Variants in PHACTR1 observed in about 807,000 individuals in gnomAD.
PHACTR1 encodes the protein phosphatase and actin regulator 1.
Under a neutral mutation model 69.2 loss-of-function variants are expected in PHACTR1, and 16 were observed. That is an observed-to-expected ratio of 0.23 (90% confidence interval 0.16 to 0.35). The LOEUF (loss-of-function observed/expected upper bound fraction) is 0.35, where lower values mean the gene tolerates loss of function less well. Among genes scored for constraint, PHACTR1 ranks in the 10% least tolerant of loss-of-function variants. PHACTR1 has a pLI of 1.00. For synonymous variants in PHACTR1, 312 were observed against 284.5 expected (o/e 1.10, Z -0.97); for missense variants, 510 against 734.7 (o/e 0.69, Z 3.54).
chr6:13,076,963 A>C (rs1490806243), intron 5 of PHACTR1, among the ~76,000 whole-genome samples: 1 of 79,868 alleles, frequency 1.3e-5, no homozygotes, highest in African/African-American at 5.1e-5. Context: ...GGGAGGGGGG[A>C]GGGATAGCAT....
At chr6:13,060,576 G>T (rs1807525291) in intron 5 of PHACTR1, among the ~76,000 whole-genome samples, 1 of 152,198 alleles carries the variant, frequency 6.6e-6, no homozygotes, top group Admixed American at 6.5e-5. Flanking sequence ...AGAAAGAAGG[G>T]CTAGTATCAG....
At chr6:13,010,685 C>T (rs1799349376) in intron 4 of PHACTR1, among the ~76,000 whole-genome samples, 1 of 152,098 alleles carries the variant, frequency 6.6e-6, no homozygotes, top group African/African-American at 2.4e-5. Context: ...GGTCTTAGGG[C>T]ACCCAACAAG....
intron 5 of PHACTR1, among the ~76,000 whole-genome samples, chr6:13,158,904 A>G (rs920790191): frequency 6.6e-6 from 1 of 152,232 alleles, no homozygotes; most frequent in African/African-American, 2.4e-5. Flanking sequence ...TTGTCTGCAT[A>G]AAGTAGTTTC....
chr6:12,911,242 C>G (rs1182306088), intron 4 of PHACTR1, among the ~76,000 whole-genome samples: 1 of 152,080 alleles, frequency 6.6e-6, no homozygotes, highest in Non-Finnish European at 1.5e-5. Context: ...TTTCCAAACT[C>G]TTTGTAGGTT....
intron 4 of PHACTR1, among the ~76,000 whole-genome samples, chr6:13,051,429 C>A (rs1805926064): frequency 6.6e-6 from 1 of 152,202 alleles, no homozygotes; most frequent in South Asian, 2.1e-4. Context: ...AATGCCAATT[C>A]ATTTCAAGAG....
intron 5 of PHACTR1, among the ~76,000 whole-genome samples, chr6:13,099,984 A>G (rs1814890311): frequency 6.6e-6 from 1 of 152,244 alleles, no homozygotes; most frequent in Non-Finnish European, 1.5e-5. Flanking sequence ...ATAATCAACA[A>G]TATTCAAACA....
At chr6:13,131,781 G>C (rs1427035981) in intron 5 of PHACTR1, among the ~76,000 whole-genome samples, 2 of 152,168 alleles carry the variant, frequency 1.3e-5, no homozygotes, top group Non-Finnish European at 2.9e-5. Context: ...GGGTAGACCT[G>C]TTAAATATTT....
intron 5 of PHACTR1, among the ~76,000 whole-genome samples, chr6:13,158,672 C>T (rs1758540139): frequency 2.0e-5 from 3 of 152,182 alleles, no homozygotes; most frequent in Non-Finnish European, 2.9e-5. Context: ...CCTGGTCCCA[C>T]CCCGGACCTA....
chr6:12,931,860 G>A (rs890574249), intron 4 of PHACTR1, among the ~76,000 whole-genome samples: 13 of 151,940 alleles, frequency 8.6e-5, no homozygotes, highest in African/African-American at 2.7e-4. Flanking sequence ...TCAGCCAGCT[G>A]AGACCCAGGC....
chr6:13,007,617 C>T (rs560449370), intron 4 of PHACTR1, among the ~76,000 whole-genome samples: 9 of 150,118 alleles, frequency 6.0e-5, no homozygotes, highest in African/African-American at 1.7e-4. Context: ...ATGTCCACAA[C>T]GATGATATTC....
chr6:12,723,366 C>G (rs1762368346), intron 3 of PHACTR1, among the ~76,000 whole-genome samples: 1 of 152,072 alleles, frequency 6.6e-6, no homozygotes. Context: ...CACCCTAGAC[C>G]TAGAGAATCA....
intron 4 of PHACTR1, among the ~76,000 whole-genome samples, chr6:12,950,206 C>T (rs1791127093): frequency 6.6e-6 from 1 of 152,234 alleles, no homozygotes; most frequent in South Asian, 2.1e-4. Flanking sequence ...TCTGGGAACT[C>T]TCTGGTCCCT....
chr6:12,860,295 A>G (rs1463768233), intron 4 of PHACTR1, among the ~76,000 whole-genome samples: 1 of 152,106 alleles, frequency 6.6e-6, no homozygotes, highest in East Asian at 1.9e-4. Context: ...GATGGTTTCC[A>G]GCTTCATCCA....
At chr6:13,209,566 A>G (rs559123671) in intron 8 of PHACTR1, among the ~76,000 whole-genome samples, 1 of 152,356 alleles carries the variant, frequency 6.6e-6, no homozygotes, top group East Asian at 1.9e-4. Context: ...TAGGTAATAT[A>G]CAAAGTTGAA....
At chr6:13,240,696 C>T (rs1772709843) in intron 10 of PHACTR1, among the ~76,000 whole-genome samples, 1 of 152,154 alleles carries the variant, frequency 6.6e-6, no homozygotes, top group Non-Finnish European at 1.5e-5. Flanking sequence ...ATCCGCCCAC[C>T]TCAGCCTCCT....
chr6:12,752,534 A>C (rs1766752131), intron 4 of PHACTR1, among the ~76,000 whole-genome samples: 1 of 152,238 alleles, frequency 6.6e-6, no homozygotes, highest in Admixed American at 6.5e-5. Context: ...CCACACCAGT[A>C]ATTATACATA....
chr6:12,951,278 C>T (rs1481205646), intron 4 of PHACTR1, among the ~76,000 whole-genome samples: 1 of 152,160 alleles, frequency 6.6e-6, no homozygotes, highest in Non-Finnish European at 1.5e-5. Context: ...GACCTCATAC[C>T]TTTCTTGTTT....
chr6:13,142,775 C>T (rs1353868597), intron 5 of PHACTR1, among the ~76,000 whole-genome samples: 1 of 151,746 alleles, frequency 6.6e-6, no homozygotes, highest in African/African-American at 2.4e-5. Context: ...TGTTTTTATG[C>T]CAGTACCATA....
chr6:12,737,878 C>G (rs996773697), intron 3 of PHACTR1, among the ~76,000 whole-genome samples: 1 of 152,194 alleles, frequency 6.6e-6, no homozygotes, highest in Non-Finnish European at 1.5e-5. Context: ...AGTCACCATG[C>G]CTGGCCCATT....
Sources: gnomAD v4.1 joint callset for allele counts (sites outside exome capture counted in the v4.1 genomes callset) on GRCh38, gnomAD v4.1.1 for gene constraint, MANE v1.5 for transcripts, NCBI Gene and HGNC (gene_info 2026-07-23, HGNC 2026-07-21) for gene names.